The following WAC variants were observed in gnomAD, a reference collection of about 807,000 sequenced individuals.
WAC encodes WW domain containing adaptor with coiled-coil.
WAC carries 11 observed loss-of-function variants against 79.6 expected under a neutral mutation model. The observed-to-expected ratio is 0.14, with a 90% CI of 0.09 to 0.23. The LOEUF is 0.23. WAC is among the 10% of genes least tolerant of loss of function. WAC has a pLI of 1.00. For synonymous variants in WAC, 304 were observed against 276.9 expected (o/e 1.10, Z -0.97); for missense variants, 728 against 773.5 (o/e 0.94, Z 0.70).
chr10:28,594,432 C>G (rs1225003170), intron 6 of WAC, among the ~76,000 whole-genome samples: 2 of 152,118 alleles, frequency 1.3e-5, no homozygotes, highest in African/African-American at 4.8e-5. Context: ...TGATAGCTTA[C>G]TTATATATTA....
intron 10 of WAC, among the ~76,000 whole-genome samples, chr10:28,612,836 G>T (rs1841305421): frequency 6.6e-6 from 1 of 152,188 alleles, no homozygotes; most frequent in East Asian, 1.9e-4. Flanking sequence ...AAGGAGGAAA[G>T]AATTAAAATG....
chr10:28,582,544 G>A (rs1387438198), intron 3 of WAC, among the ~76,000 whole-genome samples: 1 of 152,068 alleles, frequency 6.6e-6, no homozygotes, highest in Non-Finnish European at 1.5e-5. Flanking sequence ...TCATAATAGT[G>A]TAGCCTCCAT....
chr10:28,614,464 C>T (rs1841389263), intron 10 of WAC, 103 bp from the exon 11 acceptor site: 3 of 147,972 alleles, frequency 2.0e-5, no homozygotes, highest in African/African-American at 1.1e-4. Flanking sequence ...AGTTTCAGAA[C>T]TTGACTGCCA....
chr10:28,543,744 AGG>A (rs1030291931), intron 3 of WAC, among the ~76,000 whole-genome samples: 1 of 152,354 alleles, frequency 6.6e-6, no homozygotes, highest in African/African-American at 2.4e-5. Context: ...TGCAGAGAAA[AGG>A]GGAAAAAGAA....
chr10:28,617,909 C>G, intron 13 of WAC, 125 bp downstream of exon 13: 1 of 1,090,368 alleles, frequency 9.2e-7, no homozygotes, highest in Non-Finnish European at 1.2e-6. Context: ...TGATCACATT[C>G]TATCACTGCA....
chr10:28,545,142 C>G (rs2132380174), intron 3 of WAC, among the ~76,000 whole-genome samples: 1 of 152,004 alleles, frequency 6.6e-6, no homozygotes, highest in East Asian at 1.9e-4. Flanking sequence ...GTTACAGCTT[C>G]CTTGACTCCC....
At chr10:28,565,882 G>T (rs1049968669) in intron 3 of WAC, among the ~76,000 whole-genome samples, 40 of 152,244 alleles carry the variant, frequency 2.6e-4, no homozygotes, top group African/African-American at 9.4e-4. Context: ...TCTTGAGCTA[G>T]TATGTTTTTA....
Position 28,610,750 on chromosome 10 carries a change from T to A in WAC, c.1217T>A (p.Phe406Tyr). 6.2e-7 allele frequency: 1 copy of A among 1,612,782 alleles called. No homozygotes were observed. The highest frequency in any genetic ancestry group is 8.5e-7 in the Non-Finnish European group (1 of 1,179,738). ...TCACTGCAGTCTATAATTCATAAGT[T>A]TCTTACTGCTGGACCATCTGCTTTC... ...QASLQSIIHK[F>Y]LTAGPSAFNI... Residue 406 changes from phenylalanine to tyrosine, a missense_variant, in exon 9 of 14, where the codon TTT becomes TAT. Physicochemically the swap from Phe to Tyr is conservative, Grantham distance 22. Transcript: ENST00000354911.
At chr10:28,582,994 A>G (rs529192292) in intron 3 of WAC, among the ~76,000 whole-genome samples, 77 of 152,308 alleles carry the variant, frequency 5.1e-4, no homozygotes, top group Non-Finnish European at 8.2e-4. Flanking sequence ...TACAGTTGCA[A>G]AAACATACTG....
chr10:28,593,425 T>A (rs1840196701), intron 6 of WAC, among the ~76,000 whole-genome samples: 2 of 152,120 alleles, frequency 1.3e-5, no homozygotes, highest in South Asian at 4.1e-4. Flanking sequence ...TAATGAGGTT[T>A]TTGTTTTTGT....
chr10:28,594,306 G>C (rs992466495), intron 6 of WAC, among the ~76,000 whole-genome samples: 1 of 152,084 alleles, frequency 6.6e-6, no homozygotes, highest in African/African-American at 2.4e-5. Context: ...TGTATACAGG[G>C]TTGGGCATGA....
chr10:28,573,118 A>T lies in WAC; in HGVS notation c.275-10281A>T, dbSNP rs1017026526. Among the ~76,000 whole-genome samples, 5 of 151,074 alleles carry T rather than the reference A, an allele frequency of 3.3e-5. No homozygotes were observed. The East Asian group carries it at 5.8e-4, about 18-fold the overall frequency. Reference sequence around the variant, plus strand: ...CTTTTAAAAAATATTTTACATGGCTATTTTTTTTTCTATTTTTAAGATATT... The same window carrying T: ...CTTTTAAAAAATATTTTACATGGCTTTTTTTTTTTCTATTTTTAAGATATT... On this transcript the variant is annotated intron_variant, in intron 3 of 13. Transcript: ENST00000354911.
At chr10:28,608,777 T>A (rs531734557) in intron 8 of WAC, among the ~76,000 whole-genome samples, 1 of 152,202 alleles carries the variant, frequency 6.6e-6, no homozygotes. Flanking sequence ...TATTAAAACT[T>A]CTGGTATGTT....
chr10:28,550,804 G>A (rs929530280), intron 3 of WAC, among the ~76,000 whole-genome samples: 17 of 152,116 alleles, frequency 1.1e-4, no homozygotes, highest in African/African-American at 3.9e-4. Flanking sequence ...TGAACTGTAA[G>A]CATATAAACT....
At chr10:28,564,769 C>T (rs1838503386) in intron 3 of WAC, among the ~76,000 whole-genome samples, 1 of 152,188 alleles carries the variant, frequency 6.6e-6, no homozygotes, top group African/African-American at 2.4e-5. Flanking sequence ...CATCACCTTG[C>T]GTAGCTGTAG....
At position 28,621,169 on chromosome 10, in the gene WAC, C is replaced by T. The variant is rs1329640870; in HGVS notation, c.*1563C>T. 2.3e-5 allele frequency: 3 copies of T among 131,030 alleles called. No homozygotes were observed. The highest frequency in any genetic ancestry group is 1.5e-4 in the Admixed American group (2 of 13,348). 8.1% of individuals were successfully genotyped at this position (131,030 alleles called of 1,614,324 possible). ...CATCTGATTTAGAAAGGTGTTTCTT[C>T]TTCTTCTTCTTTTTTTTCTTTAAAT... On this transcript the variant is annotated 3_prime_UTR_variant, in exon 14 of 14. Coordinates refer to ENST00000354911, the MANE Select transcript of WAC (RefSeq NM_016628.5).
At chr10:28,541,444 T>TC (rs1399374688) in intron 3 of WAC, among the ~76,000 whole-genome samples, 4 of 139,670 alleles carry the variant, frequency 2.9e-5, no homozygotes, top group Non-Finnish European at 6.1e-5. Flanking sequence ...TTTTTTTTTT[T>TC]TTAAGACAGT....
chr10:28,553,079 A>G (rs1159400495), intron 3 of WAC, among the ~76,000 whole-genome samples: 1 of 152,096 alleles, frequency 6.6e-6, no homozygotes, highest in African/African-American at 2.4e-5. Context: ...GACGAATGGA[A>G]TATTTTCCCC....
intron 7 of WAC, among the ~76,000 whole-genome samples, chr10:28,605,569 T>A (rs2132783993): frequency 6.6e-6 from 1 of 152,286 alleles, no homozygotes; most frequent in Non-Finnish European, 1.5e-5. Context: ...CACCTGTAAT[T>A]CCCCAAAACT....
Sources: gnomAD v4.1 joint callset for allele counts (sites outside exome capture counted in the v4.1 genomes callset) on GRCh38, gnomAD v4.1.1 for gene constraint, MANE v1.5 for transcripts, NCBI Gene and HGNC (gene_info 2026-07-23, HGNC 2026-07-21) for gene names.